PCDHA3: variants seen among roughly 807,000 people sequenced by gnomAD.
PCDHA3 encodes the protein protocadherin alpha 3, also known as protocadherin alpha-3.
A neutral mutation model predicts 62.2 loss-of-function variants in PCDHA3; 41 were observed. The observed-to-expected ratio is 0.66, with a 90% CI of 0.51 to 0.86. The LOEUF (loss-of-function observed/expected upper bound fraction) is 0.86. Ranked by LOEUF, PCDHA3 falls within the 40% of genes least tolerant of loss-of-function variation. The pLI is 0.00. For synonymous variants in PCDHA3, 640 were observed against 555.4 expected (o/e 1.15, Z -2.14); for missense variants, 1,304 against 1,241.2 (o/e 1.05, Z -0.76).
In PCDHA3 at chr5:141,010,671, A is replaced by T. The variant is rs375520397; in HGVS notation, c.*734A>T. The T allele has an allele frequency of 5.7e-4, 94 of 164,082 alleles. 1 individual carries two copies. Among genetic ancestry groups the T allele is most frequent in the Non-Finnish European group, 1.2e-3 (86 of 74,622 alleles). The allele number at this position is 164,082 out of a possible 1,614,324, so 10.2% of individuals were successfully genotyped here. A position where few individuals can be genotyped will look rare whatever the true frequency, so the allele number is the denominator to read the frequency against. On this transcript the variant is annotated 3_prime_UTR_variant, in exon 4 of 4. Transcript: ENST00000522353. Reference sequence around the variant, plus strand: ...TGTTTTAACAGAGAACCACCCTGGGAAACAGAAGCAGATCTGATGTGTTTC... The same window carrying T: ...TGTTTTAACAGAGAACCACCCTGGGTAACAGAAGCAGATCTGATGTGTTTC...
At chr5:140,888,695 A>G (rs1161003821) in intron 1 of PCDHA3, among the ~76,000 whole-genome samples, 3 of 152,094 alleles carry the variant, frequency 2.0e-5, no homozygotes, top group African/African-American at 7.2e-5. Flanking sequence ...CTCTTCTCTG[A>G]TTGGTAGGAA....
intron 1 of PCDHA3, chr5:140,875,168 G>A (rs1554167513): frequency 5.5e-6 from 2 of 364,784 alleles, no homozygotes; most frequent in African/African-American, 4.2e-5. Flanking sequence ...ACCCAAAGTC[G>A]AAACATTAGA....
rs782324321 is a variant in PCDHA3 at position 140,801,413 on chromosome 5, G to A, written c.216G>A (p.Gly72=). Residue 72 remains glycine, a synonymous_variant, in exon 1 of 4, where the codon GGG becomes GGA. Coordinates refer to ENST00000522353, the MANE Select transcript of PCDHA3 (RefSeq NM_018906.3). ...RLFRVASKRH[G]DLLEVNLQNG... is the part of the protein sequence containing the mutation. ...TCCGGGTGGCGTCCAAAAGACACGG[G>A]GACCTTCTGGAGGTAAATCTGCAGA... The A allele has an allele frequency of 1.9e-6, 3 of 1,613,776 alleles. No homozygotes were observed. Among genetic ancestry groups the A allele is most frequent in the South Asian group, 2.2e-5 (2 of 91,048 alleles).
chr5:140,870,507 A>G (rs782584168), intron 1 of PCDHA3: 3 of 1,614,128 alleles, frequency 1.9e-6, no homozygotes, highest in African/African-American at 1.3e-5. Context: ...AGAACAACCC[A>G]CCAGGCTGCC....
At chr5:140,891,022 G>C (rs2062905127) in intron 1 of PCDHA3, among the ~76,000 whole-genome samples, 1 of 151,804 alleles carries the variant, frequency 6.6e-6, no homozygotes, top group South Asian at 2.1e-4. Context: ...TTTTCTGAGG[G>C]TATAATCTTA....
At chr5:140,908,049 G>A (rs563362239) in intron 1 of PCDHA3, among the ~76,000 whole-genome samples, 19 of 152,210 alleles carry the variant, frequency 1.2e-4, no homozygotes, top group Admixed American at 1.0e-3. Flanking sequence ...TTGCACATCC[G>A]GCCATTTCTC....
chr5:140,993,783 T>C (rs1402072576), intron 3 of PCDHA3, among the ~76,000 whole-genome samples: 2 of 152,230 alleles, frequency 1.3e-5, no homozygotes, highest in East Asian at 3.9e-4. Flanking sequence ...TTTTGTACAG[T>C]AACATGCTGT....
chr5:140,982,615 A>G, intron 3 of PCDHA3, 52 bp downstream of exon 3: 1 of 1,596,392 alleles, frequency 6.3e-7, no homozygotes, highest in Non-Finnish European at 8.6e-7. Context: ...AAGTGATCAG[A>G]TGACCTACTT....
chr5:140,802,285 C>T lies in PCDHA3; in HGVS notation c.1088C>T (p.Ser363Phe), dbSNP rs958561465. 2.5e-6 allele frequency: 4 copies of T among 1,614,112 alleles called. No homozygotes were observed. The African/African-American group carries it at 5.3e-5, about 22-fold the overall frequency. The part of the protein sequence containing the change: ...QSLSLPVLED[S>F]PLSTVIALIS... ...CTATCTTTACCTGTATTAGAAGACT[C>T]TCCACTTAGCACAGTCATCGCTCTG... Residue 363 changes from serine (S) to phenylalanine (F), a missense_variant, in exon 1 of 4, where the codon TCT (serine) becomes TTT (phenylalanine). Physicochemically the swap from Ser to Phe is radical, Grantham distance 155. Transcript: ENST00000522353.
chr5:140,982,708 C>G (rs550422492), intron 3 of PCDHA3, 145 bp downstream of exon 3: 1 of 1,373,770 alleles, frequency 7.3e-7, no homozygotes, highest in African/African-American at 1.5e-5. Flanking sequence ...GATTTCCTTA[C>G]ATATATGATT....
At chr5:140,927,172 G>A (rs782548172) in intron 1 of PCDHA3, 7 of 1,614,034 alleles carry the variant, frequency 4.3e-6, no homozygotes, top group East Asian at 4.5e-5. Context: ...AGCTGCCTGC[G>A]TCTTGACCTA....
At chr5:140,925,690 G>A (rs1029124411) in intron 1 of PCDHA3, among the ~76,000 whole-genome samples, 6 of 149,642 alleles carry the variant, frequency 4.0e-5, no homozygotes, top group African/African-American at 7.4e-5. Context: ...GCGAGGGTGG[G>A]TATCTAGCCT....
rs2150124973 is a variant in PCDHA3, at chr5:140,823,356, G to A, written c.2394+19765G>A. 1.7e-5 allele frequency: 28 copies of A among 1,612,466 alleles called. No individual in the cohort carries two copies. The African/African-American group carries it at 2.8e-4, about 16-fold the overall frequency. ...TGCAGCCGCTGGACCACGAGGAAGT[G>A]GAGCTGCTGCAGTTCCAGGTGAGCG... On this transcript the variant is annotated intron_variant, in intron 1 of 3. Coordinates refer to ENST00000522353, the MANE Select transcript of PCDHA3 (RefSeq NM_018906.3).
rs1052880282 is a variant in PCDHA3 at position 140,969,588 on chromosome 5, T to C, written c.2395-9361T>C. On this transcript the variant is annotated intron_variant, in intron 1 of 3. Coordinates refer to ENST00000522353, the MANE Select transcript of PCDHA3 (RefSeq NM_018906.3). ...TTGTTTGAGAAGTGAGGATTAGTCT[T>C]AATATTTAATGCTAAAACACAGATT... 31 of 849,754 alleles carry C rather than the reference T, an allele frequency of 3.6e-5. No individual in the cohort carries two copies. The African/African-American group carries it at 5.3e-4, about 15-fold the overall frequency. The allele number at this position is 849,754 out of a possible 1,614,324, so 52.6% of individuals were successfully genotyped here. A position where few individuals can be genotyped will look rare whatever the true frequency, so the allele number is the denominator to read the frequency against.
At chr5:140,904,154 C>T (rs1163595423) in intron 1 of PCDHA3, among the ~76,000 whole-genome samples, 1 of 152,060 alleles carries the variant, frequency 6.6e-6, no homozygotes, top group Non-Finnish European at 1.5e-5. Flanking sequence ...ACATTGCACC[C>T]AGTTTGTAGT....
Position 140,842,861 on chromosome 5 carries a change from A to G in PCDHA3, c.2394+39270A>G, listed in dbSNP as rs2150346552. Reference sequence around the variant, plus strand: ...GAGCTACATTTCGGTGCACACGGAGAGCGGCAAGGTGTACGCGCTGCAGCC... The same window carrying G: ...GAGCTACATTTCGGTGCACACGGAGGGCGGCAAGGTGTACGCGCTGCAGCC... On this transcript the variant is annotated intron_variant, in intron 1 of 3. Coordinates refer to ENST00000522353, the MANE Select transcript of PCDHA3 (RefSeq NM_018906.3). 2.6e-5 allele frequency: 42 copies of G among 1,593,576 alleles called. 3 individuals are homozygous for G. In the South Asian group the frequency reaches 4.4e-4, roughly 17 times the overall value.
chr5:140,972,893 A>T (rs1452751778), intron 1 of PCDHA3, among the ~76,000 whole-genome samples: 1 of 151,858 alleles, frequency 6.6e-6, no homozygotes, highest in African/African-American at 2.4e-5. Context: ...CGATCTCTTG[A>T]CCTTGTGATC....
intron 1 of PCDHA3, chr5:140,843,825 CATT>C: frequency 1.7e-6 from 2 of 1,188,044 alleles, no homozygotes; most frequent in East Asian, 2.4e-5. Context: ...AAAATTTAAA[CATT>C]GTTTAGTTTT....
chr5:140,890,788 T>C (rs892426818), intron 1 of PCDHA3, among the ~76,000 whole-genome samples: 1 of 152,222 alleles, frequency 6.6e-6, no homozygotes, highest in Non-Finnish European at 1.5e-5. Flanking sequence ...AAGATATTAG[T>C]ATTATTTTAT....
Sources: gnomAD v4.1 joint callset for allele counts (sites outside exome capture counted in the v4.1 genomes callset) on GRCh38, gnomAD v4.1.1 for gene constraint, MANE v1.5 for transcripts, NCBI Gene and HGNC (gene_info 2026-07-23, HGNC 2026-07-21) for gene names.